Variants in PARD3B observed in about 807,000 individuals in gnomAD.
The protein encoded by PARD3B is par-3 family cell polarity regulator beta, also known as partitioning defective 3 homolog B.
A neutral mutation model predicts 130.2 loss-of-function variants in PARD3B; 103 were observed. The ratio of observed to expected loss-of-function variants is 0.79; its 90% CI spans 0.67 to 0.93. The LOEUF (loss-of-function observed/expected upper bound fraction) is 0.93, where lower values mean the gene tolerates loss of function less well. Ranked by LOEUF, PARD3B falls within the 40% of genes least tolerant of loss-of-function variation. PARD3B has a pLI of 0.00. For missense variants in PARD3B, 1,609 were observed against 1,499.2 expected (o/e 1.07, Z -1.21); for synonymous variants, 583 against 553.2 (o/e 1.05, Z -0.76).
chr2:205,604,262 A>C (rs189783011), intron 22 of PARD3B, among the ~76,000 whole-genome samples: 1 of 152,314 alleles, frequency 6.6e-6, no homozygotes, highest in East Asian at 1.9e-4. Context: ...TTACAAAAGA[A>C]AGAAGTTTAA....
At chr2:204,824,972 G>A (rs1409972345) in intron 2 of PARD3B, among the ~76,000 whole-genome samples, 1 of 152,182 alleles carries the variant, frequency 6.6e-6, no homozygotes, top group Non-Finnish European at 1.5e-5. Context: ...TGAAGCTGGA[G>A]CAGGCTAACT....
At chr2:205,189,481 A>G (rs547720347) in intron 14 of PARD3B, among the ~76,000 whole-genome samples, 9 of 152,182 alleles carry the variant, frequency 5.9e-5, no homozygotes, top group Non-Finnish European at 1.0e-4. Context: ...TGCTGAAAAC[A>G]CGGCCTTTAT....
chr2:205,270,054 G>C (rs537467959), intron 16 of PARD3B, among the ~76,000 whole-genome samples: 1 of 151,998 alleles, frequency 6.6e-6, no homozygotes, highest in South Asian at 2.1e-4. Flanking sequence ...ACCCCCATTC[G>C]CCATCATGTG....
intron 15 of PARD3B, among the ~76,000 whole-genome samples, chr2:205,217,638 CA>C (rs2037982512): frequency 6.6e-6 from 1 of 151,056 alleles, no homozygotes; most frequent in African/African-American, 2.4e-5. Flanking sequence ...AAAAATATAA[CA>C]ACAAATTACT....
intron 1 of PARD3B, among the ~76,000 whole-genome samples, chr2:204,626,606 G>C (rs2034495642): frequency 6.6e-6 from 1 of 151,748 alleles, no homozygotes. Context: ...GAAATATGAA[G>C]CTCTGAAACA....
At chr2:204,658,882 C>T (rs969049963) in intron 1 of PARD3B, among the ~76,000 whole-genome samples, 1 of 152,138 alleles carries the variant, frequency 6.6e-6, no homozygotes, top group South Asian at 2.1e-4. Flanking sequence ...AATAAATAGT[C>T]AAGTGTCCAA....
chr2:205,275,031 C>G (rs549877117), intron 16 of PARD3B, among the ~76,000 whole-genome samples: 1 of 152,072 alleles, frequency 6.6e-6, no homozygotes, highest in East Asian at 1.9e-4. Context: ...TGCTTGTGTG[C>G]CTTTTGAATA....
chr2:205,454,056 T>C (rs1014398758), intron 20 of PARD3B, among the ~76,000 whole-genome samples: 1 of 152,152 alleles, frequency 6.6e-6, no homozygotes, highest in Admixed American at 6.5e-5. Flanking sequence ...ATGTATGTTT[T>C]GTGCAAAGCA....
At chr2:205,247,929 T>TTTTTTG (rs1394925603) in intron 16 of PARD3B, among the ~76,000 whole-genome samples, 2 of 151,910 alleles carry the variant, frequency 1.3e-5, no homozygotes, top group African/African-American at 4.8e-5. Flanking sequence ...TTGTTTTTTG[T>TTTTTTG]TTTTTGTTTT....
In PARD3B at chr2:205,407,906, A is replaced by G. The variant is rs2046464782; in HGVS notation, c.2741+6783A>G. On this transcript the variant is annotated intron_variant, in intron 19 of 22. Transcript: ENST00000406610. This position sits in a 1 kb window ranked among gnomAD's most constrained non-coding sequence, Gnocchi z 4.1. Reference sequence around the variant, plus strand: ...ATTTTGCAGGAAGCTCATTTGTTGTATTAATTAAACATTGCTTTCGTAGAT... The same window carrying G: ...ATTTTGCAGGAAGCTCATTTGTTGTGTTAATTAAACATTGCTTTCGTAGAT... Among the ~76,000 whole-genome samples, 1 of 152,214 alleles carries G rather than the reference A, an allele frequency of 6.6e-6. No individual in the cohort carries two copies. The highest frequency in any genetic ancestry group is 1.5e-5 in the Non-Finnish European group (1 of 68,024).
At chr2:205,137,771 C>G (rs1346158622) in intron 10 of PARD3B, among the ~76,000 whole-genome samples, 2 of 152,162 alleles carry the variant, frequency 1.3e-5, no homozygotes, top group African/African-American at 4.8e-5. Flanking sequence ...CACCATGGTC[C>G]TCCTTCATGT....
intron 3 of PARD3B, among the ~76,000 whole-genome samples, chr2:205,014,682 C>G (rs1695986221): frequency 6.6e-6 from 1 of 152,138 alleles, no homozygotes; most frequent in African/African-American, 2.4e-5. Flanking sequence ...GAGAGTATAG[C>G]ACAGAACAGG....
chr2:205,191,192 G>C (rs2036381087), intron 14 of PARD3B, among the ~76,000 whole-genome samples: 1 of 151,726 alleles, frequency 6.6e-6, no homozygotes, highest in African/African-American at 2.4e-5. Flanking sequence ...CTCATTCGAA[G>C]ACCATACTAA....
rs975602368 is a variant in PARD3B at position 204,943,758 on chromosome 2, G to A, written c.223-21394G>A. On this transcript the variant is annotated intron_variant, in intron 2 of 22. Transcript: ENST00000406610. The surrounding 1 kb of genome is among the most constrained non-coding windows in gnomAD (Gnocchi z 4.2). The stretch of plus-strand genomic sequence containing the variant: ...TCCTCTCTTCCTTGAGGGAAAGTTC[G>A]CCTCTCCATTGCCATCCCTACATTG... Among the ~76,000 whole-genome samples the A allele has an allele frequency of 2.0e-5, 3 of 152,126 alleles. No homozygotes were observed. The highest frequency in any genetic ancestry group is 4.4e-5 in the Non-Finnish European group (3 of 68,012).
At chr2:205,108,661 G>A (rs183559347) in intron 5 of PARD3B, among the ~76,000 whole-genome samples, 2 of 152,148 alleles carry the variant, frequency 1.3e-5, no homozygotes, top group Admixed American at 1.3e-4. Flanking sequence ...TCCTTCTTCA[G>A]GAATAGATTC....
chr2:205,220,934 T>C (rs2038204313), intron 15 of PARD3B, among the ~76,000 whole-genome samples: 1 of 152,082 alleles, frequency 6.6e-6, no homozygotes, highest in Admixed American at 6.5e-5. Context: ...GCAGATGATA[T>C]TGGAGGGGCT....
intron 3 of PARD3B, among the ~76,000 whole-genome samples, chr2:205,010,063 A>G (rs1695591933): frequency 1.3e-5 from 2 of 152,158 alleles, no homozygotes; most frequent in South Asian, 2.1e-4. Context: ...TAGTGAACCA[A>G]TATAGTAATA....
intron 3 of PARD3B, among the ~76,000 whole-genome samples, chr2:205,040,277 T>C (rs1312772473): frequency 6.6e-6 from 1 of 152,216 alleles, no homozygotes; most frequent in African/African-American, 2.4e-5. Flanking sequence ...AGTACTTTTA[T>C]TGGCTATCTA....
intron 2 of PARD3B, among the ~76,000 whole-genome samples, chr2:204,842,095 G>T (rs1337597343): frequency 6.6e-6 from 1 of 151,974 alleles, no homozygotes; most frequent in Non-Finnish European, 1.5e-5. Context: ...TAATTATTTG[G>T]ATTTTCTTAT....
Sources: gnomAD v4.1 joint callset for allele counts (sites outside exome capture counted in the v4.1 genomes callset) on GRCh38, gnomAD v4.1.1 for gene constraint, Gnocchi (gnomAD v3.1) non-coding constraint, MANE v1.5 for transcripts, NCBI Gene and HGNC (gene_info 2026-07-23, HGNC 2026-07-21) for gene names.